Variants in GOSR2 observed in about 807,000 individuals in gnomAD.
GOSR2 encodes 27 kDa Golgi SNARE protein.
A neutral mutation model predicts 27.9 loss-of-function variants in GOSR2; 20 were observed. The observed-to-expected ratio is 0.72, with a 90% CI of 0.50 to 1.04. GOSR2 has a LOEUF of 1.04. Ranked by LOEUF, GOSR2 falls within the 50% of genes least tolerant of loss-of-function variation. The probability of loss-of-function intolerance (pLI) is 0.00; values close to 1 mark genes in which losing one functional copy is unlikely to be tolerated. For missense variants in GOSR2, 261 were observed against 270.5 expected, an observed-to-expected ratio of 0.97 and a Z score of 0.25; for synonymous variants, 91 against 98.8, an observed-to-expected ratio of 0.92 and a Z score of 0.47.
At position 46,932,139 on chromosome 17, in the gene GOSR2, T is replaced by C; in HGVS notation, c.276T>C (p.His92=). The C allele has an allele frequency of 1.2e-6, 2 of 1,614,110 alleles. No homozygotes were observed. The highest frequency in any genetic ancestry group is 2.2e-5 in the East Asian group (1 of 44,882). The change falls in exon 4 of 6, where the codon CAT becomes CAC. Residue 92 remains histidine (H), a synonymous_variant. Transcript: ENST00000640051. ...TALRNFQHRR[H]AREQQERQRE... is the part of the protein sequence containing the mutation. ...TCAGAAACTTCCAGCATCGGCGCCA[T>C]GCAAGGGAGCAGCAGGAGAGACAGC...
chr17:46,970,747 T>C (rs1251315241), downstream of GOSR2, among the ~76,000 whole-genome samples: 1 of 152,168 alleles, frequency 6.6e-6, no homozygotes, highest in Non-Finnish European at 1.5e-5. Context: ...CAGTGATGTT[T>C]GCATAAAAGA....
chr17:46,927,513 A>G (rs2086665336), intron 1 of GOSR2, among the ~76,000 whole-genome samples: 1 of 152,158 alleles, frequency 6.6e-6, no homozygotes, highest in African/African-American at 2.4e-5. Flanking sequence ...GAAAGTTTGA[A>G]AGCTGCTCTG....
Position 46,939,332 on chromosome 17 carries a change from C to T in GOSR2, c.*572C>T, listed in dbSNP as rs1218659553. Reference sequence around the variant, plus strand: ...GTCACCATTCCCTGGAAGCAGCTACCTAGGGGAAACAAGATGTAGTGCTAT... The same window carrying T: ...GTCACCATTCCCTGGAAGCAGCTACTTAGGGGAAACAAGATGTAGTGCTAT... On this transcript the variant is annotated 3_prime_UTR_variant, in exon 6 of 6. Coordinates refer to ENST00000640051, the MANE Select transcript of GOSR2 (RefSeq NM_004287.5). The T allele has an allele frequency of 2.0e-6, 2 of 1,010,918 alleles. No individual in the cohort carries two copies. The highest frequency in any genetic ancestry group is 1.2e-6 in the Non-Finnish European group (1 of 843,080). 62.6% of individuals were successfully genotyped at this position (1,010,918 alleles called of 1,614,324 possible). A position where few individuals can be genotyped will look rare whatever the true frequency, so the allele number is the denominator to read the frequency against.
chr17:46,952,346 G>A (rs958620751), intron 6 of GOSR2, among the ~76,000 whole-genome samples: 1 of 152,212 alleles, frequency 6.6e-6, no homozygotes, highest in Non-Finnish European at 1.5e-5. Context: ...ACATGACTGC[G>A]CGGTGGGCCG....
chr17:46,956,277 C>CTT (rs869045527), intron 6 of GOSR2, among the ~76,000 whole-genome samples: 17 of 62,630 alleles, frequency 2.7e-4, no homozygotes, highest in Admixed American at 6.9e-4. Flanking sequence ...CTTGCCAGTC[C>CTT]TTTTTTTTTT....
chr17:46,926,670 T>A (rs2086547942), intron 1 of GOSR2, among the ~76,000 whole-genome samples: 1 of 152,226 alleles, frequency 6.6e-6, no homozygotes, highest in Non-Finnish European at 1.5e-5. Flanking sequence ...TGAGACAGAT[T>A]TTGCACTTGG....
intron 6 of GOSR2, among the ~76,000 whole-genome samples, chr17:46,957,291 T>A (rs959737697): frequency 6.6e-6 from 1 of 151,558 alleles, no homozygotes; most frequent in African/African-American, 2.4e-5. Flanking sequence ...GGCAACAGAG[T>A]GAGACCCTGC....
intron 3 of GOSR2, 60 bp from the exon 4 acceptor site, chr17:46,932,007 C>T: frequency 6.7e-7 from 1 of 1,503,620 alleles, no homozygotes; most frequent in Non-Finnish European, 9.3e-7. Flanking sequence ...AAAGCCTGGC[C>T]CCCTCAGATT....
intron 5 of GOSR2, chr17:46,935,527 T>C: frequency 2.4e-6 from 3 of 1,271,018 alleles, no homozygotes; most frequent in Non-Finnish European, 3.0e-6. Flanking sequence ...GGCTGTCCTT[T>C]GGTACCTCGC....
chr17:46,941,344 A>C lies in GOSR2; in HGVS notation c.*2584A>C. ...GAAGCACATCAGCTGAATAAAGTTGAGGTTTATTTTATTTAGAAAATCACA... is the reference window on the plus strand; with the variant it reads ...GAAGCACATCAGCTGAATAAAGTTGCGGTTTATTTTATTTAGAAAATCACA... On this transcript the variant is annotated 3_prime_UTR_variant, in exon 6 of 6. Coordinates refer to ENST00000640051, the MANE Select transcript of GOSR2 (RefSeq NM_004287.5). The C allele has an allele frequency of 1.0e-6, 1 of 984,804 alleles. No individual in the cohort carries two copies. The allele number at this position is 984,804 out of a possible 1,614,324, so 61.0% of individuals were successfully genotyped here. A position where few individuals can be genotyped will look rare whatever the true frequency, so the allele number is the denominator to read the frequency against.
At chr17:46,936,272 G>C (rs16941317) in intron 5 of GOSR2, 22,576 of 985,232 alleles carry the variant, frequency 0.023, 783 homozygotes, top group African/African-American at 0.15. Context: ...AAACAGTAGA[G>C]GCCTTTTAGG....
intron 3 of GOSR2, chr17:46,931,439 T>C: frequency 1.8e-6 from 1 of 558,720 alleles, no homozygotes; most frequent in Non-Finnish European, 3.2e-6. Flanking sequence ...ACCTCTTTGG[T>C]GTCATTTTGA....
chr17:46,974,185 G>A (rs575862048), intron 6 of GOSR2, among the ~76,000 whole-genome samples: 6 of 152,340 alleles, frequency 3.9e-5, no homozygotes, highest in Admixed American at 2.6e-4. Context: ...GCCCTGAGAC[G>A]CATGGAACCA....
chr17:46,956,957 T>TAGCTGCATAAAGGTTGCGGGGGTG (rs2090758339), intron 6 of GOSR2, among the ~76,000 whole-genome samples: 1 of 152,048 alleles, frequency 6.6e-6, no homozygotes, highest in African/African-American at 2.4e-5. Context: ...GAAGGAAAAA[T>TAGCTGCATAAAGGTTGCGGGGGTG]AGCTGCATAA....
Position 46,940,921 on chromosome 17 carries a change from A to T in GOSR2, c.*2161A>T. The T allele has an allele frequency of 7.6e-7, 1 of 1,321,852 alleles. No individual in the cohort carries two copies. Among genetic ancestry groups the T allele is most frequent in the South Asian group, 1.5e-5 (1 of 65,210 alleles). 81.9% of individuals were successfully genotyped at this position (1,321,852 alleles called of 1,614,324 possible). A position where few individuals can be genotyped will look rare whatever the true frequency, so the allele number is the denominator to read the frequency against. On this transcript the variant is annotated 3_prime_UTR_variant, in exon 6 of 6. Transcript: ENST00000640051. ...ACACATCTGCTTTCAGTGCCTGGTG[A>T]AAAATAGACCTTGGCCTAACAGTGT...
chr17:46,950,317 C>A (rs551879367), intron 6 of GOSR2, among the ~76,000 whole-genome samples: 7 of 152,084 alleles, frequency 4.6e-5, no homozygotes, highest in African/African-American at 1.2e-4. Context: ...GAGGAGGAGG[C>A]GGCTGGCTGA....
chr17:46,971,322 G>A (rs2091390477), downstream of GOSR2, among the ~76,000 whole-genome samples: 1 of 152,108 alleles, frequency 6.6e-6, no homozygotes, highest in African/African-American at 2.4e-5. Context: ...GGGCAACAGA[G>A]CGAGACTCCT....
At chr17:46,926,871 C>T (rs2086579718) in intron 1 of GOSR2, among the ~76,000 whole-genome samples, 1 of 152,204 alleles carries the variant, frequency 6.6e-6, no homozygotes, top group Non-Finnish European at 1.5e-5. Flanking sequence ...TGATGAACGT[C>T]CTGCCATGTA....
intron 1 of GOSR2, 162 bp downstream of exon 1, chr17:46,923,383 C>T: frequency 6.8e-7 from 1 of 1,465,516 alleles, no homozygotes; most frequent in Middle Eastern, 1.8e-4. Flanking sequence ...TGGCGGGACT[C>T]CCAGGTCAGC....
Sources: allele counts gnomAD v4.1 joint callset (sites outside exome capture counted in the v4.1 genomes callset), GRCh38; gene constraint gnomAD v4.1.1; transcripts MANE v1.5; gene names NCBI Gene and HGNC (gene_info 2026-07-23, HGNC 2026-07-21).